Variants in PDGFRB observed in about 807,000 individuals in gnomAD.
PDGFRB encodes the protein platelet derived growth factor receptor beta.
PDGFRB carries 42 observed loss-of-function variants against 120.2 expected under a neutral mutation model. That is an observed-to-expected ratio of 0.35 (90% CI 0.27 to 0.45). The LOEUF is 0.45. Among genes scored for constraint, PDGFRB ranks in the 20% least tolerant of loss-of-function variants. The pLI is 1.00. For synonymous variants in PDGFRB, 586 were observed against 606.8 expected, an observed-to-expected ratio of 0.97 and a Z score of 0.50; for missense variants, 1,149 against 1,476.3, an observed-to-expected ratio of 0.78 and a Z score of 3.63.
rs779686590 is a variant in PDGFRB at position 150,115,827 on chromosome 5, AGCTCTG to A, written c.3251_3256del (p.Pro1084_Glu1085del). The A allele has an allele frequency of 1.9e-6, 3 of 1,613,064 alleles. No individual in the cohort carries two copies. The highest frequency in any genetic ancestry group is 2.5e-6 in the Non-Finnish European group (3 of 1,179,460). ...GCACCCCGAATCCGGCAACTGTTCC[AGCTCTG>A]GCTCCGGCTCCACCTGGAGCTCAAG... On this transcript the variant is annotated inframe_deletion, in exon 23 of 23. Transcript: ENST00000261799.
chr5:150,136,975 C>G (rs763913247), intron 2 of PDGFRB, 33 bp downstream of exon 2: 1 of 1,592,392 alleles, frequency 6.3e-7, no homozygotes, highest in South Asian at 1.1e-5. Context: ...CCGCAGCCCC[C>G]CGGGTCCCCT....
chr5:150,135,541 C>G lies in PDGFRB; in HGVS notation c.364+14G>C, dbSNP rs1365026736. ...GAGGGGTAAGGAGTGGGCACACAGG[C>G]TGGGAGCCCTTACCTGGCACAAAGA... On this transcript the variant is annotated intron_variant, in intron 3 of 22. Coordinates refer to ENST00000261799, the MANE Select transcript of PDGFRB (RefSeq NM_002609.4). 6.4e-7 allele frequency: 1 copy of G among 1,559,222 alleles called. No individual in the cohort carries two copies. The highest frequency in any genetic ancestry group is 2.2e-5 in the East Asian group (1 of 44,562).
At chr5:150,146,570 G>T (rs1313891346) in intron 1 of PDGFRB, among the ~76,000 whole-genome samples, 3 of 152,132 alleles carry the variant, frequency 2.0e-5, no homozygotes, top group Non-Finnish European at 2.9e-5. Context: ...TAGAGACAGG[G>T]TCTCGCTCTG....
rs748906060 is a variant in PDGFRB, at chr5:150,135,810, G to C, written c.109C>G (p.Pro37Ala). Reference protein sequence around the residue: ...PQISQGLVVTPPGPELVLNVS... With the variant: ...PQISQGLVVTAPGPELVLNVS... ...TTGAGGACAAGCTCTGGCCCCGGGGGTGTGACGACCAGGCCCTGAGAGATC... is the reference window on the plus strand; with the variant it reads ...TTGAGGACAAGCTCTGGCCCCGGGGCTGTGACGACCAGGCCCTGAGAGATC... Residue 37 changes from proline (P) to alanine (A), a missense_variant, in exon 3 of 23, where the codon CCC becomes GCC. Pro to Ala is a conservative substitution (Grantham distance 27). Transcript: ENST00000261799. 2 of 1,587,374 alleles carry C rather than the reference G, an allele frequency of 1.3e-6. No homozygotes were observed. The highest frequency in any genetic ancestry group is 1.7e-6 in the Non-Finnish European group (2 of 1,166,722).
In PDGFRB at chr5:150,121,326, G is replaced by GA; in HGVS notation, c.2345-5dup. The GA allele has an allele frequency of 7.3e-7, 1 of 1,367,020 alleles. No individual in the cohort carries two copies. The highest frequency in any genetic ancestry group is 1.0e-6 in the Non-Finnish European group (1 of 954,238). The allele number at this position is 1,367,020 out of a possible 1,614,324, so 84.7% of individuals were successfully genotyped here. On this transcript the variant is annotated splice_region_variant and splice_polypyrimidine_tract_variant and intron_variant, in intron 16 of 22. Coordinates refer to ENST00000261799, the MANE Select transcript of PDGFRB (RefSeq NM_002609.4). The surrounding 1 kb of genome is among the most constrained non-coding windows in gnomAD (Gnocchi z 4.1). ...GCTCGGCAGGTCCTCTCAGGGGCTA[G>GA]AGGAGAAGCAGAGGGTCACCTGCTA...
rs367951719 is a variant in PDGFRB at position 150,125,476 on chromosome 5, C to A, written c.1776G>T (p.Thr592=). 2 of 1,613,056 alleles carry A rather than the reference C, an allele frequency of 1.2e-6. No individual in the cohort carries two copies. Among genetic ancestry groups the A allele is most frequent in the Non-Finnish European group, 8.5e-7 (1 of 1,179,332 alleles). Residue 592 remains threonine, a synonymous_variant, in exon 12 of 23, where the codon ACG becomes ACT. Coordinates refer to ENST00000261799, the MANE Select transcript of PDGFRB (RefSeq NM_002609.4). ...VDPMQLPYDS[T]WELPRDQLVL... Reference sequence around the variant, plus strand: ...CAAGCTGGTCCCGCGGCAGCTCCCACGTGGAGTCATAGGGCAGCTGCATGG... The same window carrying A: ...CAAGCTGGTCCCGCGGCAGCTCCCAAGTGGAGTCATAGGGCAGCTGCATGG...
intron 1 of PDGFRB, chr5:150,137,319 C>A: frequency 2.3e-6 from 1 of 433,538 alleles, no homozygotes; most frequent in Non-Finnish European, 4.1e-6. Context: ...GGCTGCGTCC[C>A]CAGACTCTCT....
At chr5:150,144,174 C>T (rs1174657006) in intron 1 of PDGFRB, among the ~76,000 whole-genome samples, 4 of 152,164 alleles carry the variant, frequency 2.6e-5, no homozygotes, top group East Asian at 1.9e-4. Flanking sequence ...GCTATCCCAC[C>T]GCCAATCTCC....
chr5:150,117,313 A>G (rs1211830136), intron 22 of PDGFRB, among the ~76,000 whole-genome samples: 2 of 152,162 alleles, frequency 1.3e-5, no homozygotes, highest in Non-Finnish European at 2.9e-5. Flanking sequence ...GGGCTAGGAC[A>G]GGACCTAGAG....
intron 1 of PDGFRB, among the ~76,000 whole-genome samples, chr5:150,142,635 CT>C (rs767547433): frequency 2.0e-5 from 3 of 150,172 alleles, no homozygotes; most frequent in Non-Finnish European, 4.4e-5. Context: ...GTGGTCCCCC[CT>C]ATCTGCAGGG....
chr5:150,136,959 T>C (rs2113914458), intron 2 of PDGFRB, 49 bp downstream of exon 2: 2 of 1,455,502 alleles, frequency 1.4e-6, no homozygotes, highest in Middle Eastern at 1.8e-4. Context: ...GCTCCAGGGT[T>C]CCACTCCGCA....
chr5:150,124,179 G>T (rs1360507885), intron 14 of PDGFRB, 71 bp downstream of exon 14: 9 of 1,022,148 alleles, frequency 8.8e-6, no homozygotes, highest in South Asian at 2.8e-5. Flanking sequence ...AGGCCTGAGG[G>T]GGGGGTAGGC....
intron 11 of PDGFRB, among the ~76,000 whole-genome samples, chr5:150,125,845 C>T (rs983315858): frequency 3.9e-4 from 59 of 152,304 alleles, no homozygotes; most frequent in Middle Eastern, 3.4e-3. Context: ...ATGAGAACCT[C>T]CTCTCTAGCT....
At chr5:150,150,640 G>A (rs1269399202) in intron 1 of PDGFRB, among the ~76,000 whole-genome samples, 4 of 152,108 alleles carry the variant, frequency 2.6e-5, no homozygotes, top group Non-Finnish European at 5.9e-5. Flanking sequence ...GGGCTCTGGG[G>A]CTAAGGCTTG....
intron 1 of PDGFRB, among the ~76,000 whole-genome samples, chr5:150,150,992 T>A (rs1389597431): frequency 6.6e-6 from 1 of 152,200 alleles, no homozygotes; most frequent in Non-Finnish European, 1.5e-5. Flanking sequence ...GTAGGAGCCC[T>A]CTGAGCTCCT....
intron 1 of PDGFRB, among the ~76,000 whole-genome samples, chr5:150,146,687 T>A (rs116338165): frequency 0.025 from 3,777 of 152,218 alleles, 106 homozygotes; most frequent in East Asian, 0.17. Context: ...GCCTCCTGAG[T>A]AGCTGGGACT....
At chr5:150,134,729 C>T (rs773828260) in intron 4 of PDGFRB, 21 bp downstream of exon 4, 1 of 1,592,904 alleles carries the variant, frequency 6.3e-7, no homozygotes. Flanking sequence ...TGCTGAGCAT[C>T]AGGCCAGAAA....
At chr5:150,117,040 A>C (rs2113882001) in intron 22 of PDGFRB, among the ~76,000 whole-genome samples, 1 of 152,318 alleles carries the variant, frequency 6.6e-6, no homozygotes, top group African/African-American at 2.4e-5. Flanking sequence ...CGTGGACATC[A>C]AGTCCACACA....
chr5:150,131,896 G>T, intron 8 of PDGFRB, 83 bp downstream of exon 8: 2 of 721,450 alleles, frequency 2.8e-6, no homozygotes, highest in South Asian at 1.7e-5. Context: ...CCTCCCATGG[G>T]TGGGTGGACA....
Sources: allele counts gnomAD v4.1 joint callset (sites outside exome capture counted in the v4.1 genomes callset), GRCh38; gene constraint gnomAD v4.1.1; non-coding constraint Gnocchi (gnomAD v3.1); transcripts MANE v1.5; gene names NCBI Gene and HGNC (gene_info 2026-07-23, HGNC 2026-07-21).